AGBL4: variants seen among roughly 807,000 people sequenced by gnomAD.
AGBL4 encodes cytosolic carboxypeptidase 6.
In AGBL4, 58 loss-of-function variants were observed where a neutral mutation model predicts 66.4. The observed-to-expected ratio is 0.87, with a 90% CI of 0.71 to 1.09. The LOEUF is 1.09. Among genes scored for constraint, AGBL4 ranks in the 50% least tolerant of loss-of-function variants. The pLI, the probability that AGBL4 is intolerant of heterozygous loss-of-function variation, is 0.00. For synonymous variants in AGBL4, 234 were observed against 222.9 expected, an observed-to-expected ratio of 1.05 and a Z score of -0.44; for missense variants, 579 against 631.0, an observed-to-expected ratio of 0.92 and a Z score of 0.88.
chr1:49,348,737 G>C (rs564601162), intron 3 of AGBL4, among the ~76,000 whole-genome samples: 1 of 152,306 alleles, frequency 6.6e-6, no homozygotes, highest in Admixed American at 6.5e-5. Flanking sequence ...TAAGTTCTTA[G>C]AGCAGCCACA....
chr1:49,293,222 T>C (rs886764422), intron 3 of AGBL4, among the ~76,000 whole-genome samples: 3 of 152,240 alleles, frequency 2.0e-5, no homozygotes, highest in African/African-American at 7.2e-5. Flanking sequence ...AGCTGGCATG[T>C]CTGAGTGTGT....
rs187312148 is a variant in AGBL4 at position 49,417,472 on chromosome 1, G to A, written c.283-171608C>T. Among the ~76,000 whole-genome samples, 298 of 152,174 alleles carry A rather than the reference G, an allele frequency of 2.0e-3. 2 individuals are homozygous for A. Among genetic ancestry groups the A allele is most frequent in the Non-Finnish European group, 1.8e-3 (119 of 67,972 alleles). On this transcript the variant is annotated intron_variant, in intron 3 of 13. Transcript: ENST00000371839. Reference sequence around the variant, plus strand: ...TGATCCAAAAAGGGCATTCATATAAGGGAGAAGGAGATCAATAGTAGTTGA... The same window carrying A: ...TGATCCAAAAAGGGCATTCATATAAAGGAGAAGGAGATCAATAGTAGTTGA...
chr1:49,381,667 TA>T (rs1644613912), intron 3 of AGBL4, among the ~76,000 whole-genome samples: 1 of 151,930 alleles, frequency 6.6e-6, no homozygotes, highest in African/African-American at 2.4e-5. Flanking sequence ...TATGCAGCCA[TA>T]AAAAATGATG....
At chr1:49,150,123 C>T (rs1646298182) in intron 4 of AGBL4, among the ~76,000 whole-genome samples, 1 of 152,090 alleles carries the variant, frequency 6.6e-6, no homozygotes, top group African/African-American at 2.4e-5. Context: ...GCCTGGAGCC[C>T]TGCACGCCTT....
intron 4 of AGBL4, among the ~76,000 whole-genome samples, chr1:49,195,524 C>T (rs1647214667): frequency 6.6e-6 from 1 of 152,112 alleles, no homozygotes; most frequent in African/African-American, 2.4e-5. Context: ...GAAGTCTGCT[C>T]TTAGTGTAAT....
intron 5 of AGBL4, among the ~76,000 whole-genome samples, chr1:49,008,829 C>T (rs1158964623): frequency 2.4e-4 from 37 of 151,472 alleles, no homozygotes; most frequent in African/African-American, 7.8e-4. Flanking sequence ...TTGAAACCAA[C>T]GAGAACAAAG....
At chr1:49,383,196 A>C (rs1236724152) in intron 3 of AGBL4, among the ~76,000 whole-genome samples, 1 of 152,166 alleles carries the variant, frequency 6.6e-6, no homozygotes, top group Non-Finnish European at 1.5e-5. Context: ...TATTACTAAA[A>C]TGTCTGTACT....
intron 5 of AGBL4, among the ~76,000 whole-genome samples, chr1:48,897,591 T>C (rs1651647316): frequency 6.6e-6 from 1 of 152,244 alleles, no homozygotes; most frequent in Non-Finnish European, 1.5e-5. Flanking sequence ...TTTACATTTC[T>C]ACCAACAGTG....
intron 3 of AGBL4, among the ~76,000 whole-genome samples, chr1:49,481,827 A>G (rs1646961914): frequency 6.6e-6 from 1 of 151,666 alleles, no homozygotes; most frequent in Non-Finnish European, 1.5e-5. Context: ...GAGAGTTTTT[A>G]ACATAAAGAG....
At chr1:49,297,700 C>T (rs2148437974) in intron 3 of AGBL4, among the ~76,000 whole-genome samples, 1 of 152,224 alleles carries the variant, frequency 6.6e-6, no homozygotes, top group South Asian at 2.1e-4. Context: ...ACAGTTTTTC[C>T]TTATGTGACA....
intron 2 of AGBL4, among the ~76,000 whole-genome samples, chr1:49,782,492 G>A (rs1313992468): frequency 1.3e-5 from 2 of 152,120 alleles, no homozygotes; most frequent in Non-Finnish European, 2.9e-5. Flanking sequence ...CAAAATTCAG[G>A]TTAAAATCCG....
intron 2 of AGBL4, among the ~76,000 whole-genome samples, chr1:49,733,142 T>A (rs974812953): frequency 1.3e-5 from 2 of 152,202 alleles, no homozygotes; most frequent in African/African-American, 4.8e-5. Context: ...ATAGTCAGAA[T>A]GCTGAAGGAA....
chr1:48,890,571 A>G (rs1650841426), intron 5 of AGBL4, among the ~76,000 whole-genome samples: 1 of 152,094 alleles, frequency 6.6e-6, no homozygotes. Flanking sequence ...GGAGTCAGTG[A>G]TATTCTTGTG....
chr1:48,740,390 T>C (rs138118929), intron 6 of AGBL4, among the ~76,000 whole-genome samples: 20 of 152,242 alleles, frequency 1.3e-4, no homozygotes, highest in African/African-American at 4.1e-4. Flanking sequence ...TCTCTGGATA[T>C]GTTTCCCTAC....
At position 49,862,158 on chromosome 1, in the gene AGBL4, A is replaced by C. The variant is rs572918882; in HGVS notation, c.35-10640T>G. 3.9e-5 allele frequency among the ~76,000 whole-genome samples: 6 copies of C among 152,304 alleles called. No individual in the cohort carries two copies. The South Asian group carries it at 1.2e-3, about 32-fold the overall frequency. On this transcript the variant is annotated intron_variant, in intron 1 of 13. Coordinates refer to ENST00000371839, the MANE Select transcript of AGBL4 (RefSeq NM_032785.4). Reference sequence around the variant, plus strand: ...GAAATCCAAGATAACACAGAGAAGGAATTCAGAATGCTATCAGATACATAT... The same window carrying C: ...GAAATCCAAGATAACACAGAGAAGGCATTCAGAATGCTATCAGATACATAT...
intron 6 of AGBL4, among the ~76,000 whole-genome samples, chr1:48,814,446 C>G (rs1288670972): frequency 1.3e-5 from 2 of 152,028 alleles, no homozygotes; most frequent in Non-Finnish European, 2.9e-5. Context: ...ACACTTATTT[C>G]TTTGTGCTGG....
At chr1:48,911,344 G>A (rs1374575429) in intron 5 of AGBL4, among the ~76,000 whole-genome samples, 3 of 152,160 alleles carry the variant, frequency 2.0e-5, no homozygotes, top group South Asian at 2.1e-4. Context: ...CTGGCCGGGC[G>A]TGGTGGCTCA....
chr1:49,814,925 A>G (rs1166795584), intron 2 of AGBL4, among the ~76,000 whole-genome samples: 2 of 152,138 alleles, frequency 1.3e-5, no homozygotes, highest in Non-Finnish European at 1.5e-5. Flanking sequence ...GGGGTATATC[A>G]GATGTTTTGA....
intron 4 of AGBL4, among the ~76,000 whole-genome samples, chr1:49,085,365 C>G (rs575031071): frequency 1.3e-5 from 2 of 152,072 alleles, no homozygotes; most frequent in Admixed American, 6.5e-5. Flanking sequence ...ACACTTGGCT[C>G]CCCTGGTTCT....
Sources: gnomAD v4.1 joint callset for allele counts (sites outside exome capture counted in the v4.1 genomes callset) on GRCh38, gnomAD v4.1.1 for gene constraint, MANE v1.5 for transcripts, NCBI Gene and HGNC (gene_info 2026-07-23, HGNC 2026-07-21) for gene names.